PHAX: variants seen among roughly 807,000 people sequenced by gnomAD.
PHAX encodes phosphorylated adapter RNA export protein.
Under a neutral mutation model 41.6 loss-of-function variants are expected in PHAX, and 31 were observed. The ratio of observed to expected loss-of-function variants is 0.75; its 90% CI spans 0.56 to 1.01. The LOEUF (loss-of-function observed/expected upper bound fraction) is 1.01, where lower values mean the gene tolerates loss of function less well. Ranked by LOEUF, PHAX falls within the 50% of genes least tolerant of loss-of-function variation. The pLI is 0.00. For missense variants in PHAX, 453 were observed against 472.9 expected (o/e 0.96, Z 0.39); for synonymous variants, 175 against 164.9 (o/e 1.06, Z -0.47).
Position 126,600,980 on chromosome 5 carries a change from C to T in PHAX, c.18C>T (p.Gly6=), listed in dbSNP as rs75136984. 27,600 of 1,603,408 alleles carry T rather than the reference C, an allele frequency of 0.017. 285 individuals are homozygous for T. The highest frequency in any genetic ancestry group is 0.034 in the Middle Eastern group (203 of 6,016). Residue 6 remains glycine (G), a synonymous_variant, in exon 1 of 5, where the codon GGC becomes GGT. Transcript: ENST00000297540. ...GCGGGAAGATGGCGTTGGAGGTCGG[C>T]GATATGGAAGATGGGCAGCTTTCCG... is the stretch of plus-strand genomic sequence containing the variant. The part of the protein sequence containing the change: MALEV[G]DMEDGQLSDS...
chr5:126,621,649 A>G (rs554506703), intron 4 of PHAX, among the ~76,000 whole-genome samples: 2 of 152,348 alleles, frequency 1.3e-5, no homozygotes, highest in South Asian at 4.1e-4. Flanking sequence ...ATTTGGGTAC[A>G]TGACCTCACA....
chr5:126,622,110 C>T (rs34896011), intron 4 of PHAX, among the ~76,000 whole-genome samples: 9,219 of 151,666 alleles, frequency 0.061, 330 homozygotes, highest in South Asian at 0.11. Context: ...CCCGCCACCA[C>T]GCCTGGCTAA....
rs75136984 is a variant in PHAX, at chr5:126,600,980, C to A, written c.18C>A (p.Gly6=). Residue 6 remains glycine, a synonymous_variant, in exon 1 of 5, where the codon GGC becomes GGA. Transcript: ENST00000297540. ...GCGGGAAGATGGCGTTGGAGGTCGG[C>A]GATATGGAAGATGGGCAGCTTTCCG... MALEV[G]DMEDGQLSDS... 40 of 1,603,552 alleles carry A rather than the reference C, an allele frequency of 2.5e-5. No individual in the cohort carries two copies. Among genetic ancestry groups the A allele is most frequent in the Admixed American group, 6.7e-5 (4 of 59,452 alleles).
chr5:126,608,840 G>A (rs1435094211), intron 3 of PHAX, among the ~76,000 whole-genome samples: 1 of 151,382 alleles, frequency 6.6e-6, no homozygotes, highest in East Asian at 2.0e-4. Flanking sequence ...GGAGGCTGAG[G>A]CAGGAGAATC....
intron 2 of PHAX, among the ~76,000 whole-genome samples, chr5:126,604,476 G>A (rs1447841474): frequency 6.6e-6 from 1 of 152,012 alleles, no homozygotes; most frequent in Admixed American, 6.6e-5. Flanking sequence ...TGTTGTCCAA[G>A]CTACTCTCGA....
At chr5:126,617,781 G>C (rs1429583873) in intron 4 of PHAX, among the ~76,000 whole-genome samples, 1 of 152,112 alleles carries the variant, frequency 6.6e-6, no homozygotes, top group African/African-American at 2.4e-5. Context: ...CTCCCAGCCA[G>C]CCTTTTATTC....
In PHAX at chr5:126,624,868, CTAAGCCTT is replaced by C. The variant is rs1468610888; in HGVS notation, c.*26_*33del. The C allele has an allele frequency of 6.4e-7, 1 of 1,565,132 alleles. No homozygotes were observed. Among genetic ancestry groups the C allele is most frequent in the African/African-American group, 1.4e-5 (1 of 72,628 alleles). On this transcript the variant is annotated 3_prime_UTR_variant, in exon 5 of 5. Transcript: ENST00000297540. ...AAGTACATTTTCAACAGTTTGAGGACTAAGCCTTTCTAAAATAACATTGTAATAAACCA... is the reference window on the plus strand; with the variant it reads ...AAGTACATTTTCAACAGTTTGAGGACTCTAAAATAACATTGTAATAAACCA...
intron 2 of PHAX, among the ~76,000 whole-genome samples, chr5:126,605,469 T>C (rs1751974283): frequency 6.6e-6 from 1 of 152,184 alleles, no homozygotes; most frequent in South Asian, 2.1e-4. Flanking sequence ...CCTGGCTCAC[T>C]GCAACGTCCC....
At chr5:126,621,268 A>G (rs888909147) in intron 4 of PHAX, among the ~76,000 whole-genome samples, 1 of 152,038 alleles carries the variant, frequency 6.6e-6, no homozygotes, top group Non-Finnish European at 1.5e-5. Flanking sequence ...AGCTCACTGT[A>G]GCCTCAAACT....
chr5:126,601,131 C>G, intron 1 of PHAX, 73 bp downstream of exon 1: 2 of 1,051,628 alleles, frequency 1.9e-6, no homozygotes, highest in Non-Finnish European at 2.9e-6. Flanking sequence ...GCGCAGGCAG[C>G]GGTGAGGGTG....
intron 4 of PHAX, among the ~76,000 whole-genome samples, chr5:126,617,679 A>G (rs567943686): frequency 6.7e-4 from 102 of 152,130 alleles, no homozygotes; most frequent in African/African-American, 2.1e-3. Flanking sequence ...GGGTTTCACC[A>G]TATTGGCCAG....
intron 3 of PHAX, among the ~76,000 whole-genome samples, chr5:126,611,702 G>A (rs1316420916): frequency 6.6e-6 from 1 of 151,374 alleles, no homozygotes; most frequent in African/African-American, 2.4e-5. Context: ...GAGGTGGGAG[G>A]ATCACTTGAA....
intron 2 of PHAX, among the ~76,000 whole-genome samples, chr5:126,606,114 C>T (rs1459773400): frequency 2.6e-5 from 4 of 152,158 alleles, no homozygotes; most frequent in South Asian, 2.1e-4. Context: ...TATGTAATCT[C>T]GTGCCTTGCT....
At chr5:126,620,845 C>G (rs761545162) in intron 4 of PHAX, among the ~76,000 whole-genome samples, 4 of 152,014 alleles carry the variant, frequency 2.6e-5, no homozygotes, top group Non-Finnish European at 5.9e-5. Flanking sequence ...TCAAGCAGTT[C>G]TCTCACCTCA....
Position 126,624,729 on chromosome 5 carries a change from A to C in PHAX, c.1070A>C (p.Asp357Ala). The change falls in exon 5 of 5, where the codon GAC becomes GCC. Residue 357 changes from aspartate to alanine, a missense_variant. By Grantham distance (126) the Asp-to-Ala change is moderately radical. Coordinates refer to ENST00000297540, the MANE Select transcript of PHAX (RefSeq NM_032177.4). ...DDTSRETFAS[D>A]TNEALASLDE... ...ACATCACGAGAAACTTTTGCAAGTG[A>C]CACGAATGAGGCCTTGGCCTCTCTT... The C allele has an allele frequency of 1.9e-6, 3 of 1,614,208 alleles. No homozygotes were observed. Among genetic ancestry groups the C allele is most frequent in the Non-Finnish European group, 2.5e-6 (3 of 1,180,032 alleles).
chr5:126,611,662 A>G (rs1192699216), intron 3 of PHAX, among the ~76,000 whole-genome samples: 1 of 151,826 alleles, frequency 6.6e-6, no homozygotes, highest in African/African-American at 2.4e-5. Flanking sequence ...TTGGTGGCAC[A>G]TGTGTTTAGT....
At chr5:126,618,779 C>T (rs1421377054) in intron 4 of PHAX, among the ~76,000 whole-genome samples, 6 of 152,044 alleles carry the variant, frequency 3.9e-5, no homozygotes. Context: ...CTGCCTCAGC[C>T]TCCTGAGTAG....
chr5:126,604,819 A>C (rs1463909402), intron 2 of PHAX, among the ~76,000 whole-genome samples: 8 of 151,950 alleles, frequency 5.3e-5, no homozygotes, highest in Admixed American at 2.0e-4. Context: ...GTGGATCATG[A>C]GGTCAGGAGT....
chr5:126,612,853 A>G lies in PHAX; in HGVS notation c.831+4369A>G, dbSNP rs952575956. Among the ~76,000 whole-genome samples the G allele has an allele frequency of 1.4e-4, 22 of 152,186 alleles. 1 individual carries two copies. ...GGAAAAGTGGTCAGATTCTGGGTAT[A>G]TGTGGAAGATACGGCCAACAGAATT... On this transcript the variant is annotated intron_variant, in intron 3 of 4. Transcript: ENST00000297540.
Sources: gnomAD v4.1 joint callset for allele counts (sites outside exome capture counted in the v4.1 genomes callset) on GRCh38, gnomAD v4.1.1 for gene constraint, MANE v1.5 for transcripts, NCBI Gene and HGNC (gene_info 2026-07-23, HGNC 2026-07-21) for gene names.